Variants in BAZ2B observed in about 807,000 individuals in gnomAD.
BAZ2B encodes bromodomain adjacent to zinc finger domain protein 2B.
Under a neutral mutation model 246.0 loss-of-function variants are expected in BAZ2B, and 91 were observed. That is an observed-to-expected ratio of 0.37 (90% CI 0.31 to 0.44). The LOEUF is 0.44. BAZ2B is among the 20% of genes least tolerant of loss of function. The pLI, the probability that BAZ2B is intolerant of heterozygous loss-of-function variation, is 1.00. For synonymous variants in BAZ2B, 855 were observed against 860.0 expected, an observed-to-expected ratio of 0.99 and a Z score of 0.10; for missense variants, 2,332 against 2,533.7, an observed-to-expected ratio of 0.92 and a Z score of 1.71.
intron 1 of BAZ2B, among the ~76,000 whole-genome samples, chr2:159,580,949 A>T (rs1292757524): frequency 6.6e-6 from 1 of 152,252 alleles, no homozygotes; most frequent in East Asian, 1.9e-4. Context: ...TGTCAGACCT[A>T]AAATCATAAA....
intron 2 of BAZ2B, among the ~76,000 whole-genome samples, chr2:159,493,975 G>A (rs2080791073): frequency 6.6e-6 from 1 of 152,200 alleles, no homozygotes; most frequent in African/African-American, 2.4e-5. Flanking sequence ...CGTACAGGGA[G>A]GGTCTTCAAG....
At chr2:159,568,187 G>A (rs999144786) in intron 1 of BAZ2B, among the ~76,000 whole-genome samples, 12 of 152,064 alleles carry the variant, frequency 7.9e-5, no homozygotes, top group Admixed American at 7.2e-4. Flanking sequence ...TCTGTCTCTG[G>A]TGAATTCTCT....
intron 2 of BAZ2B, among the ~76,000 whole-genome samples, chr2:159,498,666 T>G (rs1371635446): frequency 6.6e-6 from 1 of 152,222 alleles, no homozygotes; most frequent in Non-Finnish European, 1.5e-5. Context: ...CTTTTGACAT[T>G]AATAATCTCC....
chr2:159,540,211 G>T (rs1242321192), intron 2 of BAZ2B, among the ~76,000 whole-genome samples: 2 of 152,164 alleles, frequency 1.3e-5, no homozygotes, highest in Non-Finnish European at 2.9e-5. Flanking sequence ...ATAAATGAGT[G>T]AATGAGTGAC....
chr2:159,383,453 CT>C (rs2062245119), intron 24 of BAZ2B, among the ~76,000 whole-genome samples, 152 bp downstream of exon 24: 2 of 151,944 alleles, frequency 1.3e-5, no homozygotes, highest in African/African-American at 4.8e-5. Flanking sequence ...AATTCTGCCC[CT>C]GAGTTTTATT....
intron 33 of BAZ2B, among the ~76,000 whole-genome samples, chr2:159,335,817 T>C (rs2065572428): frequency 6.6e-6 from 1 of 152,178 alleles, no homozygotes; most frequent in African/African-American, 2.4e-5. Context: ...CCTTTAACCA[T>C]TCATGAAAAG....
intron 31 of BAZ2B, among the ~76,000 whole-genome samples, chr2:159,346,674 G>A (rs1009905195): frequency 5.9e-5 from 9 of 152,172 alleles, no homozygotes; most frequent in Admixed American, 2.6e-4. Flanking sequence ...GGGTGACAGC[G>A]TGAGACTCCA....
At chr2:159,569,457 A>G (rs1683414725) in intron 1 of BAZ2B, among the ~76,000 whole-genome samples, 1 of 152,196 alleles carries the variant, frequency 6.6e-6, no homozygotes, top group Non-Finnish European at 1.5e-5. Context: ...AACTTCTGTA[A>G]TTACCCAACT....
In BAZ2B at chr2:159,373,200, A is replaced by G. The variant is rs2061038513; in HGVS notation, c.4069-11T>C. On this transcript the variant is annotated splice_polypyrimidine_tract_variant and intron_variant, in intron 26 of 36. Transcript: ENST00000392783. ...GTACTGACTCTGTTGCTGTTAAAAAAATGGTACATATAATTAGGTTTGGGA... is the reference window on the plus strand; with the variant it reads ...GTACTGACTCTGTTGCTGTTAAAAAGATGGTACATATAATTAGGTTTGGGA... 6.2e-7 allele frequency: 1 copy of G among 1,600,738 alleles called. No homozygotes were observed. The highest frequency in any genetic ancestry group is 1.7e-5 in the Admixed American group (1 of 57,602).
rs1314339914 is a variant in BAZ2B, at chr2:159,381,001, A to G, written c.4005+1558T>C. On this transcript the variant is annotated intron_variant, in intron 25 of 36. Transcript: ENST00000392783. ...CATCCTAGTGAATCACTGAACCTGA[A>G]GGTGGTCTTGGGGACCCCCAACTCA... Among the ~76,000 whole-genome samples the G allele has an allele frequency of 2.0e-5, 3 of 152,168 alleles. No homozygotes were observed. The East Asian group carries it at 5.8e-4, about 29-fold the overall frequency.
intron 3 of BAZ2B, chr2:159,462,161 T>TAA: frequency 3.1e-5 from 10 of 326,200 alleles, no homozygotes; most frequent in Non-Finnish European, 5.1e-5. Context: ...GTGGCAGAAT[T>TAA]AAAAAAAAAA....
At position 159,349,226 on chromosome 2, in the gene BAZ2B, C is replaced by A; in HGVS notation, c.4918G>T (p.Val1640Leu). The A allele has an allele frequency of 6.2e-7, 1 of 1,614,010 alleles. No homozygotes were observed. Among genetic ancestry groups the A allele is most frequent in the Admixed American group, 1.7e-5 (1 of 60,004 alleles). Residue 1640 changes from valine to leucine, a missense_variant, in exon 29 of 37, where the codon GTG (valine) becomes TTG (leucine). By Grantham distance (32) the Val-to-Leu change is conservative. Around this residue, in one of 9 missense-constraint regions of BAZ2B, gnomAD observed 676 missense variants for 668.6 expected, o/e 1.01. Transcript: ENST00000392783. ...GLQFCGWPTGVVTSNIPFTSS... is the reference protein window; with the variant it reads ...GLQFCGWPTGLVTSNIPFTSS... ...GTAAATGGAATATTAGAAGTAACCA[C>A]ACCAGTGGGCCATCCACAAAACTGA...
chr2:159,456,028 T>C (rs2075730368), intron 3 of BAZ2B, among the ~76,000 whole-genome samples: 1 of 151,922 alleles, frequency 6.6e-6, no homozygotes, highest in Admixed American at 6.6e-5. Context: ...TTGGAGAATT[T>C]GGGGTCATCT....
the BAZ2B span, among the ~76,000 whole-genome samples, chr2:159,633,757 T>TTTTTTG: frequency 1.3e-5 from 2 of 150,020 alleles, no homozygotes; most frequent in African/African-American, 4.9e-5. Flanking sequence ...TTTTTTTTTT[T>TTTTTTG]TAAGATAGAG....
At chr2:159,412,771 T>C (rs2067026668) in intron 13 of BAZ2B, among the ~76,000 whole-genome samples, 2 of 152,202 alleles carry the variant, frequency 1.3e-5, no homozygotes, top group South Asian at 2.1e-4. Context: ...TAATTAAATA[T>C]ATAGATTTGT....
intron 25 of BAZ2B, among the ~76,000 whole-genome samples, chr2:159,381,329 T>C (rs1362427567): frequency 1.3e-5 from 2 of 152,088 alleles, no homozygotes; most frequent in Non-Finnish European, 2.9e-5. Flanking sequence ...AATCATTTCC[T>C]GTCTTCAATT....
At chr2:159,691,751 G>A in the BAZ2B span, among the ~76,000 whole-genome samples, 2 of 152,208 alleles carry the variant, frequency 1.3e-5, no homozygotes, top group African/African-American at 4.8e-5. Context: ...ACAGGATAAA[G>A]AATACATGAG....
chr2:159,387,566 CTA>C (rs913892196), intron 21 of BAZ2B, among the ~76,000 whole-genome samples: 6 of 152,118 alleles, frequency 3.9e-5, no homozygotes, highest in African/African-American at 1.4e-4. Flanking sequence ...AAACACAAAA[CTA>C]TAGATAATAG....
chr2:159,377,051 C>T (rs538461395), intron 25 of BAZ2B, among the ~76,000 whole-genome samples: 2 of 152,122 alleles, frequency 1.3e-5, no homozygotes, highest in South Asian at 2.1e-4. Flanking sequence ...CACAACTCTA[C>T]GGAATGAAGG....
Sources: allele counts gnomAD v4.1 joint callset (sites outside exome capture counted in the v4.1 genomes callset), GRCh38; gene constraint gnomAD v4.1.1; regional missense constraint gnomAD v4.1.1; transcripts MANE v1.5; gene names NCBI Gene and HGNC (gene_info 2026-07-23, HGNC 2026-07-21).